STS: variants seen among roughly 807,000 people sequenced by gnomAD.
STS encodes steroid sulfatase.
In STS, 7 loss-of-function variants were observed where a neutral mutation model predicts 26.8. The observed-to-expected ratio is 0.26, with a 90% CI of 0.15 to 0.49. The LOEUF (loss-of-function observed/expected upper bound fraction) is 0.49. Among genes scored for constraint, STS ranks in the 20% least tolerant of loss-of-function variants. STS has a pLI of 0.98. For synonymous variants in STS, 199 were observed against 189.4 expected, an observed-to-expected ratio of 1.05 and a Z score of -0.42; for missense variants, 434 against 465.6, an observed-to-expected ratio of 0.93 and a Z score of 0.63.
intron 7 of STS, among the ~76,000 whole-genome samples, chrX:7,298,599 C>G (rs1477354116): frequency 9.0e-6 from 1 of 111,174 alleles, no homozygotes; most frequent in African/African-American, 3.3e-5. Context: ...ATCTCTGTGC[C>G]ACTCCACAAT....
chrX:7,322,949 A>G (rs1198147664), intron 8 of STS, among the ~76,000 whole-genome samples: 1 of 112,111 alleles, frequency 8.9e-6, no homozygotes, highest in African/African-American at 3.2e-5. Flanking sequence ...TAATTGCTTC[A>G]TAGGCACCAA....
chrX:7,332,186 C>T (rs1927784793), intron 9 of STS, among the ~76,000 whole-genome samples: 1 of 109,582 alleles, frequency 9.1e-6, no homozygotes, highest in Non-Finnish European at 1.9e-5. Flanking sequence ...TGAAAAATAG[C>T]TGGGCATGGT....
intron 2 of STS, among the ~76,000 whole-genome samples, chrX:7,241,844 C>T (rs991354534): frequency 2.7e-5 from 3 of 111,996 alleles, no homozygotes; most frequent in Non-Finnish European, 5.6e-5. Context: ...CATCTGTGGT[C>T]CAAAAGTAGC....
At chrX:7,266,574 G>A (rs5934850) in intron 6 of STS, among the ~76,000 whole-genome samples, 39,147 of 110,975 alleles carry the variant, frequency 0.35, 5,126 homozygotes, top group East Asian at 0.4. Flanking sequence ...TTATTAGAGA[G>A]CTGGATAATT....
intron 2 of STS, among the ~76,000 whole-genome samples, chrX:7,193,530 T>A (rs1438893946): frequency 9.2e-6 from 1 of 109,055 alleles, no homozygotes; most frequent in Non-Finnish European, 1.9e-5. Flanking sequence ...CTGAAAAAAA[T>A]GACAGATGCA....
intron 1 of STS, among the ~76,000 whole-genome samples, chrX:7,174,997 C>T (rs1933538312): frequency 9.0e-6 from 1 of 110,662 alleles, no homozygotes; most frequent in Non-Finnish European, 1.9e-5. Flanking sequence ...TTTCGAAGGT[C>T]AGAATTGATC....
chrX:7,150,581 C>T (rs1932991964), intron 1 of STS, among the ~76,000 whole-genome samples: 1 of 112,047 alleles, frequency 8.9e-6, no homozygotes, highest in African/African-American at 3.2e-5. Context: ...AATGGCAAAG[C>T]CTCACAGCGA....
At chrX:7,249,170 T>C (rs1425548645) in intron 2 of STS, among the ~76,000 whole-genome samples, 1 of 110,776 alleles carries the variant, frequency 9.0e-6, no homozygotes, top group Admixed American at 9.7e-5. Flanking sequence ...GAGAAATTGG[T>C]TGACATTCAG....
chrX:7,285,974 C>T (rs973876503), intron 7 of STS, among the ~76,000 whole-genome samples: 8 of 111,704 alleles, frequency 7.2e-5, no homozygotes, highest in Non-Finnish European at 1.5e-4. Flanking sequence ...TTTAAATATT[C>T]AGCCAACACC....
chrX:7,327,056 C>T (rs901695374), intron 9 of STS, among the ~76,000 whole-genome samples: 1 of 111,687 alleles, frequency 9.0e-6, no homozygotes, highest in African/African-American at 3.3e-5. Context: ...TTGTATTGAG[C>T]GACGCTTATT....
intron 7 of STS, among the ~76,000 whole-genome samples, chrX:7,295,828 T>C (rs912818495): frequency 9.0e-6 from 1 of 111,178 alleles, no homozygotes; most frequent in Non-Finnish European, 1.9e-5. Flanking sequence ...AAAAGATGAG[T>C]TTACCAAGGC....
intron 2 of STS, among the ~76,000 whole-genome samples, chrX:7,244,875 A>AT (rs2147073012): frequency 8.9e-6 from 1 of 112,093 alleles, no homozygotes; most frequent in African/African-American, 3.2e-5. Context: ...TTCTCATGTT[A>AT]TTTTTTCACA....
chrX:7,182,591 C>T (rs765860625), intron 1 of STS, among the ~76,000 whole-genome samples: 4 of 110,804 alleles, frequency 3.6e-5, no homozygotes, highest in African/African-American at 3.3e-5. Context: ...ACAGTAAGTG[C>T]GCATGGATTG....
intron 1 of STS, among the ~76,000 whole-genome samples, chrX:7,178,151 G>A (rs1273985610): frequency 8.9e-6 from 1 of 112,375 alleles, no homozygotes; most frequent in Non-Finnish European, 1.9e-5. Flanking sequence ...TGGATATAGA[G>A]AGACAAAAGG....
intron 1 of STS, among the ~76,000 whole-genome samples, chrX:7,176,233 C>T (rs1394646680): frequency 8.9e-6 from 1 of 111,948 alleles, no homozygotes; most frequent in Non-Finnish European, 1.9e-5. Flanking sequence ...CAAGATTTCA[C>T]AGGATCACGG....
intron 2 of STS, among the ~76,000 whole-genome samples, chrX:7,238,283 G>A (rs960132173): frequency 1.5e-4 from 17 of 110,455 alleles, no homozygotes; most frequent in African/African-American, 5.3e-4. Context: ...CATCTCCTTA[G>A]CTCCAGGTAG....
chrX:7,264,583 A>G (rs998844736), intron 6 of STS, among the ~76,000 whole-genome samples: 10 of 112,358 alleles, frequency 8.9e-5, no homozygotes, highest in Non-Finnish European at 1.9e-4. Flanking sequence ...CTACAGGGGT[A>G]GACAAGTGAT....
intron 1 of STS, among the ~76,000 whole-genome samples, chrX:7,150,181 A>G (rs1932983565): frequency 9.0e-6 from 1 of 111,128 alleles, no homozygotes; most frequent in South Asian, 3.8e-4. Context: ...ACCACCTCAC[A>G]TTTCTGTTTA....
intron 2 of STS, among the ~76,000 whole-genome samples, chrX:7,214,018 G>A (rs2147041311): frequency 9.0e-6 from 1 of 111,577 alleles, no homozygotes; most frequent in Non-Finnish European, 1.9e-5. Context: ...GGGATGGGAG[G>A]TTGAGGCTGC....
Sources: gnomAD v4.1 joint callset for allele counts (sites outside exome capture counted in the v4.1 genomes callset) on GRCh38, gnomAD v4.1.1 for gene constraint, MANE v1.5 for transcripts, NCBI Gene and HGNC (gene_info 2026-07-23, HGNC 2026-07-21) for gene names.